CLMN: variants seen among roughly 807,000 people sequenced by gnomAD.
CLMN encodes calmin (calponin-like, transmembrane).
In CLMN, 57 loss-of-function variants were observed where a neutral mutation model predicts 92.7. That is an observed-to-expected ratio of 0.61 (90% CI 0.50 to 0.77). The LOEUF (loss-of-function observed/expected upper bound fraction) is 0.77, where lower values mean the gene tolerates loss of function less well. CLMN is among the 30% of genes least tolerant of loss of function. The pLI, the probability that CLMN is intolerant of heterozygous loss-of-function variation, is 0.00. For synonymous variants in CLMN, 466 were observed against 470.6 expected (o/e 0.99, Z 0.13); for missense variants, 1,158 against 1,237.5 (o/e 0.94, Z 0.96).
chr14:95,238,445 C>A (rs1373392504), intron 1 of CLMN, among the ~76,000 whole-genome samples: 2 of 152,216 alleles, frequency 1.3e-5, no homozygotes, highest in African/African-American at 2.4e-5. Context: ...TTTTCACCAG[C>A]AGTGATTTTG....
chr14:95,302,479 G>A (rs1901102075), intron 1 of CLMN, among the ~76,000 whole-genome samples: 1 of 151,774 alleles, frequency 6.6e-6, no homozygotes, highest in African/African-American at 2.4e-5. Context: ...AAAGAAACAG[G>A]GGAAATTGAT....
chr14:95,264,061 A>G (rs1899371691), intron 1 of CLMN, among the ~76,000 whole-genome samples: 1 of 149,946 alleles, frequency 6.7e-6, no homozygotes, highest in South Asian at 2.1e-4. Context: ...TATTTGAGAC[A>G]GGGTCTCACT....
intron 1 of CLMN, among the ~76,000 whole-genome samples, chr14:95,308,807 A>G (rs1478357993): frequency 6.6e-6 from 1 of 152,204 alleles, no homozygotes; most frequent in African/African-American, 2.4e-5. Context: ...CAACTCCCCC[A>G]GTGTAGCCTG....
chr14:95,242,419 T>C (rs758740846), intron 1 of CLMN, among the ~76,000 whole-genome samples: 13 of 149,888 alleles, frequency 8.7e-5, no homozygotes, highest in Non-Finnish European at 1.6e-4. Context: ...CCGCCATGCC[T>C]GGCTAATTTT....
intron 1 of CLMN, among the ~76,000 whole-genome samples, chr14:95,291,352 C>T (rs528509707): frequency 6.6e-6 from 1 of 152,168 alleles, no homozygotes; most frequent in African/African-American, 2.4e-5. Context: ...CACATGGAGC[C>T]GCATCCCTGC....
chr14:95,241,454 A>G (rs1056038165), intron 1 of CLMN, among the ~76,000 whole-genome samples: 2 of 152,238 alleles, frequency 1.3e-5, no homozygotes, highest in Admixed American at 6.5e-5. Context: ...CAAGGCGGTT[A>G]ATATTTGCTT....
At chr14:95,284,915 C>A (rs1160948233) in intron 1 of CLMN, among the ~76,000 whole-genome samples, 1 of 152,068 alleles carries the variant, frequency 6.6e-6, no homozygotes, top group African/African-American at 2.4e-5. Context: ...AATATGAGAT[C>A]TGGGAGGGGC....
At chr14:95,305,043 G>A (rs891180303) in intron 1 of CLMN, among the ~76,000 whole-genome samples, 7 of 152,192 alleles carry the variant, frequency 4.6e-5, no homozygotes, top group African/African-American at 1.7e-4. Flanking sequence ...AGGCAGCTAA[G>A]AAAGAAGGCC....
chr14:95,220,379 G>C lies in CLMN; in HGVS notation c.324+1312C>G, dbSNP rs901428068. On this transcript the variant is annotated intron_variant, in intron 4 of 12. Coordinates refer to ENST00000298912, the MANE Select transcript of CLMN (RefSeq NM_024734.4). The stretch of plus-strand genomic sequence containing the variant: ...TTTAGTAGAGATGGCGTTTCATCAT[G>C]TTGGCCAGGCTAGTCTTGAACTCCT... 4.6e-5 allele frequency among the ~76,000 whole-genome samples: 7 copies of C among 152,116 alleles called. No homozygotes were observed. The South Asian group carries it at 8.3e-4, about 18-fold the overall frequency.
intron 1 of CLMN, among the ~76,000 whole-genome samples, chr14:95,316,627 A>G (rs1901785612): frequency 6.6e-6 from 1 of 152,246 alleles, no homozygotes; most frequent in Non-Finnish European, 1.5e-5. Context: ...AGCGTGAGAG[A>G]TAAAAGCCTT....
chr14:95,310,080 T>C (rs1202212184), intron 1 of CLMN, among the ~76,000 whole-genome samples: 1 of 152,166 alleles, frequency 6.6e-6, no homozygotes, highest in East Asian at 1.9e-4. Context: ...GGTTGAAATG[T>C]GATCCGCAGT....
intron 1 of CLMN, among the ~76,000 whole-genome samples, chr14:95,232,075 G>A (rs543915107): frequency 6.6e-6 from 1 of 152,346 alleles, no homozygotes; most frequent in South Asian, 2.1e-4. Context: ...AACAGCCCAG[G>A]TGGAACTCCA....
At chr14:95,260,478 C>A (rs1189621180) in intron 1 of CLMN, 3 of 151,906 alleles carry the variant, frequency 2.0e-5, no homozygotes, top group Non-Finnish European at 2.9e-5. Flanking sequence ...AAACAAATTA[C>A]TGAATAAAAT....
chr14:95,314,975 T>TGG (rs1901698970), intron 1 of CLMN, among the ~76,000 whole-genome samples: 1 of 152,202 alleles, frequency 6.6e-6, no homozygotes, highest in Non-Finnish European at 1.5e-5. Flanking sequence ...CTCTAAGAGC[T>TGG]GGCGGAGGTG....
chr14:95,297,823 A>G (rs1900873543), intron 1 of CLMN, among the ~76,000 whole-genome samples: 1 of 148,624 alleles, frequency 6.7e-6, no homozygotes, highest in Non-Finnish European at 1.5e-5. Flanking sequence ...ACACACACAC[A>G]CACACACACA....
Position 95,256,564 on chromosome 14 carries a change from T to G in CLMN, c.83-26431A>C, listed in dbSNP as rs1474084775. Among the ~76,000 whole-genome samples, 1 of 152,202 alleles carries G rather than the reference T, an allele frequency of 6.6e-6. No homozygotes were observed. The highest frequency in any genetic ancestry group is 1.9e-4 in the East Asian group (1 of 5,190). On this transcript the variant is annotated intron_variant, in intron 1 of 12. Transcript: ENST00000298912. The surrounding 1 kb of genome is among the most constrained non-coding windows in gnomAD (Gnocchi z 4.9). Reference sequence around the variant, plus strand: ...GGCAGGGTAACTGCCACCAGCTTGCTGAGTGTGGCTCTGCACAACCGCCTC... The same window carrying G: ...GGCAGGGTAACTGCCACCAGCTTGCGGAGTGTGGCTCTGCACAACCGCCTC...
intron 1 of CLMN, among the ~76,000 whole-genome samples, chr14:95,268,794 CTTTTTTTTTTTT>C (rs985091508): frequency 1.6e-5 from 1 of 63,110 alleles, no homozygotes; most frequent in African/African-American, 7.6e-5. Flanking sequence ...CTCTCTCTCT[CTTTTTTTTTTTT>C]TTTTTTTTTT....
At chr14:95,283,751 C>T in intron 1 of CLMN, among the ~76,000 whole-genome samples, 1 of 152,122 alleles carries the variant, frequency 6.6e-6, no homozygotes, top group East Asian at 1.9e-4. Context: ...TTCTAAGCAG[C>T]AAAGCATTCA....
intron 1 of CLMN, among the ~76,000 whole-genome samples, chr14:95,266,211 A>C (rs1482805057): frequency 6.6e-6 from 1 of 152,252 alleles, no homozygotes; most frequent in African/African-American, 2.4e-5. Flanking sequence ...TAGAGCAATT[A>C]GGCAAAAGAA....
Sources: gnomAD v4.1 joint callset for allele counts (sites outside exome capture counted in the v4.1 genomes callset) on GRCh38, gnomAD v4.1.1 for gene constraint, Gnocchi (gnomAD v3.1) non-coding constraint, MANE v1.5 for transcripts, NCBI Gene and HGNC (gene_info 2026-07-23, HGNC 2026-07-21) for gene names.